Variants in ATRNL1 observed in about 807,000 individuals in gnomAD.
The protein encoded by ATRNL1 is attractin-like protein 1.
In ATRNL1, 95 loss-of-function variants were observed where a neutral mutation model predicts 182.7. The observed-to-expected ratio is 0.52, with a 90% CI of 0.44 to 0.62. The LOEUF (loss-of-function observed/expected upper bound fraction) is 0.62, where lower values mean the gene tolerates loss of function less well. Ranked by LOEUF, ATRNL1 falls within the 20% of genes least tolerant of loss-of-function variation. The pLI, the probability that ATRNL1 is intolerant of heterozygous loss-of-function variation, is 0.00. For synonymous variants in ATRNL1, 576 were observed against 568.3 expected (o/e 1.01, Z -0.19); for missense variants, 1,471 against 1,679.5 (o/e 0.88, Z 2.17).
At chr10:115,848,024 C>A in intron 28 of ATRNL1, 33 bp downstream of exon 28, 2 of 1,198,690 alleles carry the variant, frequency 1.7e-6, no homozygotes, top group Non-Finnish European at 2.5e-6. Flanking sequence ...AGCAGTTAAG[C>A]AAAACTTGTA....
At chr10:115,782,565 G>T (rs552044524) in intron 27 of ATRNL1, among the ~76,000 whole-genome samples, 1 of 152,256 alleles carries the variant, frequency 6.6e-6, no homozygotes, top group African/African-American at 2.4e-5. Context: ...CACCTGTAAA[G>T]CAACTGTGCC....
chr10:115,393,753 A>C (rs1554954875), intron 19 of ATRNL1, among the ~76,000 whole-genome samples: 1 of 152,128 alleles, frequency 6.6e-6, no homozygotes, highest in East Asian at 1.9e-4. Flanking sequence ...AGGAGGGGTC[A>C]GATACAAGAA....
At chr10:115,576,671 C>T (rs1461080076) in intron 26 of ATRNL1, among the ~76,000 whole-genome samples, 1 of 151,978 alleles carries the variant, frequency 6.6e-6, no homozygotes, top group African/African-American at 2.4e-5. Flanking sequence ...ACGTTTTCTC[C>T]CAATCCATTA....
chr10:115,172,502 C>A (rs1442728300), intron 8 of ATRNL1, among the ~76,000 whole-genome samples: 31 of 152,080 alleles, frequency 2.0e-4, no homozygotes, highest in African/African-American at 7.2e-4. Context: ...ATTTCTTGAT[C>A]TACCAAAGAT....
intron 28 of ATRNL1, among the ~76,000 whole-genome samples, chr10:115,871,336 T>G (rs2134416949): frequency 6.6e-6 from 1 of 151,340 alleles, no homozygotes; most frequent in East Asian, 1.9e-4. Context: ...GCATATTTCC[T>G]TTTAGGACTT....
intron 19 of ATRNL1, among the ~76,000 whole-genome samples, chr10:115,386,986 T>C (rs1432728748): frequency 6.6e-6 from 1 of 151,914 alleles, no homozygotes; most frequent in Non-Finnish European, 1.5e-5. Context: ...ATTGCGGCAC[T>C]ATTCACAATA....
intron 8 of ATRNL1, among the ~76,000 whole-genome samples, chr10:115,209,741 A>C (rs782469709): frequency 1.3e-5 from 2 of 151,958 alleles, no homozygotes; most frequent in Non-Finnish European, 2.9e-5. Context: ...GAGGTGATCT[A>C]TATGTTGTTA....
chr10:115,824,248 C>G (rs1950372841), intron 27 of ATRNL1, among the ~76,000 whole-genome samples: 1 of 152,112 alleles, frequency 6.6e-6, no homozygotes, highest in Non-Finnish European at 1.5e-5. Context: ...AAACTGAACC[C>G]CTTCCTTACA....
intron 1 of ATRNL1, among the ~76,000 whole-genome samples, chr10:115,118,187 A>G (rs1261730824): frequency 6.6e-6 from 1 of 152,094 alleles, no homozygotes; most frequent in Non-Finnish European, 1.5e-5. Context: ...TTTGCTGTGC[A>G]GAAGTTTTTT....
chr10:115,261,380 A>G (rs146455504), intron 10 of ATRNL1, among the ~76,000 whole-genome samples: 1 of 152,294 alleles, frequency 6.6e-6, no homozygotes, highest in Non-Finnish European at 1.5e-5. Context: ...AACAGATGAA[A>G]TCTAAGAAAT....
intron 26 of ATRNL1, among the ~76,000 whole-genome samples, chr10:115,570,519 A>G (rs1348108647): frequency 2.6e-5 from 4 of 152,152 alleles, no homozygotes; most frequent in Non-Finnish European, 5.9e-5. Context: ...GCTTACTTCA[A>G]GTTTACAAAG....
At chr10:115,461,841 C>A (rs1456269783) in intron 21 of ATRNL1, 100 bp from the exon 22 acceptor site, 2 of 518,278 alleles carry the variant, frequency 3.9e-6, no homozygotes, top group Non-Finnish European at 6.5e-6. Context: ...TAACAATAAT[C>A]ATTTTTAATA....
At chr10:115,761,113 TA>T (rs66581228) in intron 27 of ATRNL1, among the ~76,000 whole-genome samples, 144,625 of 152,184 alleles carry the variant, frequency 0.95, 69,134 homozygotes, top group East Asian at 1. Flanking sequence ...AGCTCTTTTT[TA>T]AAAAAATCAA....
chr10:115,254,259 A>G (rs1554906134), intron 10 of ATRNL1, among the ~76,000 whole-genome samples: 1 of 152,208 alleles, frequency 6.6e-6, no homozygotes, highest in Non-Finnish European at 1.5e-5. Context: ...CCAACAGTGT[A>G]AAAACATTCC....
chr10:115,891,899 A>G (rs1376811238), intron 28 of ATRNL1, among the ~76,000 whole-genome samples: 1 of 152,172 alleles, frequency 6.6e-6, no homozygotes, highest in Non-Finnish European at 1.5e-5. Flanking sequence ...TTTAAATAGG[A>G]CATTGTTAAT....
intron 19 of ATRNL1, among the ~76,000 whole-genome samples, chr10:115,372,975 G>C (rs28855462): frequency 0.013 from 1,959 of 152,168 alleles, 36 homozygotes; most frequent in African/African-American, 0.044. Flanking sequence ...GACATCCTGA[G>C]AAAATGAATT....
At chr10:115,524,691 A>G (rs1391047352) in intron 25 of ATRNL1, among the ~76,000 whole-genome samples, 1 of 152,202 alleles carries the variant, frequency 6.6e-6, no homozygotes, top group Admixed American at 6.5e-5. Context: ...AGGTTATTCC[A>G]GCTACCTTGT....
rs761667308 is a variant in ATRNL1, at chr10:115,160,111, CCTT to C, written c.904_906del (p.Ser302del). 1,422 of 1,611,838 alleles carry C rather than the reference CCTT, an allele frequency of 8.8e-4. 2 individuals carry two copies. Among genetic ancestry groups the C allele is most frequent in the South Asian group, 1.2e-3 (108 of 90,982 alleles). The stretch of plus-strand genomic sequence containing the variant: ...TCTGCCAAACGTTAAACCCTTCAGT[CCTT>C]CTGTAGGTCGGGCTTCACATAAAGC... On this transcript the variant is annotated inframe_deletion, in exon 6 of 29. Transcript: ENST00000355044.
intron 24 of ATRNL1, among the ~76,000 whole-genome samples, chr10:115,494,374 G>C (rs1432246422): frequency 1.3e-5 from 2 of 152,062 alleles, no homozygotes; most frequent in African/African-American, 2.4e-5. Context: ...GTACTGTGTC[G>C]AACAGGAGTG....
Sources: gnomAD v4.1 joint callset for allele counts (sites outside exome capture counted in the v4.1 genomes callset) on GRCh38, gnomAD v4.1.1 for gene constraint, MANE v1.5 for transcripts, NCBI Gene and HGNC (gene_info 2026-07-23, HGNC 2026-07-21) for gene names.